The following CNTN6 variants were observed in gnomAD, a reference collection of about 807,000 sequenced individuals.
CNTN6 encodes contactin-6.
Under a neutral mutation model 122.8 loss-of-function variants are expected in CNTN6, and 137 were observed. The ratio of observed to expected loss-of-function variants is 1.12; its 90% CI spans 0.97 to 1.29. The LOEUF is 1.29. CNTN6 is among the 50% of genes most tolerant of loss of function. CNTN6 has a pLI of 0.00. For synonymous variants in CNTN6, 570 were observed against 426.0 expected, an observed-to-expected ratio of 1.34 and a Z score of -4.16; for missense variants, 1,634 against 1,223.4, an observed-to-expected ratio of 1.34 and a Z score of -5.01.
Position 1,147,928 on chromosome 3 carries a change from C to A in CNTN6, c.-81C>A. Reference sequence around the variant, plus strand: ...TCATGACAATTTTGTCTTTTTCAGACTCTTGAGATACTGACTGGAAGATAG... The same window carrying A: ...TCATGACAATTTTGTCTTTTTCAGAATCTTGAGATACTGACTGGAAGATAG... On this transcript the variant is annotated splice_region_variant and 5_prime_UTR_variant, in exon 2 of 23. Coordinates refer to ENST00000446702, the MANE Select transcript of CNTN6 (RefSeq NM_001289080.2). 1 of 944,466 alleles carries A rather than the reference C, an allele frequency of 1.1e-6. No individual in the cohort carries two copies. Among genetic ancestry groups the A allele is most frequent in the Non-Finnish European group, 1.7e-6 (1 of 594,880 alleles). The allele number at this position is 944,466 out of a possible 1,614,324, so 58.5% of individuals were successfully genotyped here. A position where few individuals can be genotyped will look rare whatever the true frequency, so the allele number is the denominator to read the frequency against.
chr3:1,335,447 T>C (rs1227872570), intron 11 of CNTN6, among the ~76,000 whole-genome samples: 1 of 152,162 alleles, frequency 6.6e-6, no homozygotes, highest in East Asian at 1.9e-4. Flanking sequence ...CACTTCTTTT[T>C]TTCCTTGTGG....
At chr3:1,184,219 G>A (rs370824685) in intron 2 of CNTN6, among the ~76,000 whole-genome samples, 10 of 152,190 alleles carry the variant, frequency 6.6e-5, no homozygotes, top group African/African-American at 2.4e-4. Flanking sequence ...GGATATGAAT[G>A]CCACGAGGCT....
chr3:1,367,278 G>A (rs1000819302), intron 12 of CNTN6, among the ~76,000 whole-genome samples: 3 of 151,962 alleles, frequency 2.0e-5, no homozygotes, highest in South Asian at 2.1e-4. Context: ...AACTTAGTAC[G>A]CTGTGAACAA....
chr3:1,322,297 AAG>A (rs142948973), intron 8 of CNTN6, among the ~76,000 whole-genome samples: 1,662 of 151,808 alleles, frequency 0.011, 31 homozygotes, highest in African/African-American at 0.038. Flanking sequence ...GTAATATAAA[AAG>A]AAGGCAATTA....
intron 2 of CNTN6, among the ~76,000 whole-genome samples, chr3:1,183,222 A>G (rs1359956077): frequency 6.6e-6 from 1 of 152,180 alleles, no homozygotes; most frequent in Non-Finnish European, 1.5e-5. Context: ...ATTGTCAGAA[A>G]AATATAAACA....
intron 7 of CNTN6, among the ~76,000 whole-genome samples, chr3:1,318,260 A>T (rs1030979177): frequency 6.6e-6 from 1 of 151,702 alleles, no homozygotes; most frequent in African/African-American, 2.4e-5. Flanking sequence ...TCTGCAGAGC[A>T]ATAAGTTCTC....
chr3:1,315,590 C>T (rs913265665), intron 7 of CNTN6, among the ~76,000 whole-genome samples: 1 of 151,964 alleles, frequency 6.6e-6, no homozygotes. Context: ...ACATAGTAAG[C>T]ACTCAGTTAA....
chr3:1,259,437 A>C (rs972127395), intron 4 of CNTN6, among the ~76,000 whole-genome samples: 3 of 152,026 alleles, frequency 2.0e-5, no homozygotes, highest in Non-Finnish European at 4.4e-5. Context: ...TTTTGTTTTT[A>C]ATTAATGACG....
At chr3:1,257,114 A>G (rs900351758) in intron 4 of CNTN6, among the ~76,000 whole-genome samples, 2 of 152,122 alleles carry the variant, frequency 1.3e-5, no homozygotes, top group African/African-American at 4.8e-5. Context: ...TTGGATGTCT[A>G]GGTTTATTTG....
intron 11 of CNTN6, among the ~76,000 whole-genome samples, chr3:1,334,990 G>A (rs1702837237): frequency 6.6e-6 from 1 of 152,094 alleles, no homozygotes; most frequent in Non-Finnish European, 1.5e-5. Flanking sequence ...TGGGGATAAA[G>A]TGTTAAGCCA....
chr3:1,361,900 T>C (rs149863295), intron 12 of CNTN6, among the ~76,000 whole-genome samples: 73 of 152,130 alleles, frequency 4.8e-4, no homozygotes, highest in African/African-American at 1.5e-3. Context: ...ATTTGTCAAT[T>C]CCTAAGCAGT....
chr3:1,143,374 A>G (rs942055539), intron 1 of CNTN6, among the ~76,000 whole-genome samples: 4 of 152,128 alleles, frequency 2.6e-5, no homozygotes, highest in Admixed American at 1.3e-4. Context: ...AAAAGACCTC[A>G]TCTAAAACAA....
intron 16 of CNTN6, among the ~76,000 whole-genome samples, 174 bp downstream of exon 16, chr3:1,374,247 C>G (rs1358694768): frequency 6.6e-6 from 1 of 151,958 alleles, no homozygotes; most frequent in Non-Finnish European, 1.5e-5. Context: ...TGTATTTTCT[C>G]CAAATAGTAG....
chr3:1,142,163 C>T (rs1013174817), intron 1 of CNTN6, among the ~76,000 whole-genome samples: 3 of 148,764 alleles, frequency 2.0e-5, no homozygotes, highest in Non-Finnish European at 3.0e-5. Context: ...TATAGACTGA[C>T]GAATAGTTTT....
chr3:1,393,803 A>AAG (rs376824333), intron 20 of CNTN6, among the ~76,000 whole-genome samples: 1 of 152,142 alleles, frequency 6.6e-6, no homozygotes, highest in African/African-American at 2.4e-5. Flanking sequence ...TTACCTCAGG[A>AAG]AGAGAGAGAT....
At chr3:1,202,541 AAAAAATAAATAAAT>A (rs1170144451) in intron 2 of CNTN6, among the ~76,000 whole-genome samples, 20 of 97,936 alleles carry the variant, frequency 2.0e-4, no homozygotes, top group Non-Finnish European at 2.8e-4. Flanking sequence ...ACTCCGTCTC[AAAAAATAAATAAAT>A]AAATAAATAA....
chr3:1,277,313 C>CCTGAATACTACTT (rs1692546988), intron 4 of CNTN6, among the ~76,000 whole-genome samples: 1 of 147,734 alleles, frequency 6.8e-6, no homozygotes, highest in Non-Finnish European at 1.5e-5. Flanking sequence ...AACCTTCTCC[C>CCTGAATACTACTT]CTGAATACTA....
intron 5 of CNTN6, among the ~76,000 whole-genome samples, chr3:1,292,705 A>T (rs1695527525): frequency 6.6e-6 from 1 of 152,204 alleles, no homozygotes; most frequent in African/African-American, 2.4e-5. Context: ...TCTAGTGTTT[A>T]GCCTTTCTGA....
intron 17 of CNTN6, among the ~76,000 whole-genome samples, chr3:1,379,605 G>A (rs1226353068): frequency 6.6e-6 from 1 of 151,734 alleles, no homozygotes; most frequent in Non-Finnish European, 1.5e-5. Flanking sequence ...TTTACTCTCT[G>A]GCCCTCTACA....
Sources: gnomAD v4.1 joint callset for allele counts (sites outside exome capture counted in the v4.1 genomes callset) on GRCh38, gnomAD v4.1.1 for gene constraint, MANE v1.5 for transcripts, NCBI Gene and HGNC (gene_info 2026-07-23, HGNC 2026-07-21) for gene names.